The following HEATR4 variants were observed in gnomAD, a reference collection of about 807,000 sequenced individuals.
HEATR4 encodes the protein HEAT repeat-containing protein 4.
Under a neutral mutation model 108.8 loss-of-function variants are expected in HEATR4, and 95 were observed. That is an observed-to-expected ratio of 0.87 (90% CI 0.74 to 1.04). HEATR4 has a LOEUF of 1.04. Ranked by LOEUF, HEATR4 falls within the 50% of genes least tolerant of loss-of-function variation. The pLI, the probability that HEATR4 is intolerant of heterozygous loss-of-function variation, is 0.00. For missense variants in HEATR4, 1,152 were observed against 1,253.8 expected (o/e 0.92, Z 1.23); for synonymous variants, 443 against 459.4 (o/e 0.96, Z 0.46).
the HEATR4 span, chr14:73,619,582 A>G: frequency 1.2e-6 from 2 of 1,614,210 alleles, no homozygotes; most frequent in Non-Finnish European, 8.5e-7. Context: ...CTATGCTCAG[A>G]TAGCCTCTGA....
the HEATR4 span, among the ~76,000 whole-genome samples, chr14:73,594,849 C>A: frequency 1.3e-5 from 2 of 152,148 alleles, no homozygotes; most frequent in Non-Finnish European, 2.9e-5. Context: ...TAGAGGCGTG[C>A]GCCACCACAC....
intron 17 of HEATR4, among the ~76,000 whole-genome samples, chr14:73,486,067 AG>A (rs752531010): frequency 6.6e-6 from 1 of 152,164 alleles, no homozygotes; most frequent in Non-Finnish European, 1.5e-5. Flanking sequence ...ACTGGGTCAA[AG>A]ATATCAAAAT....
At chr14:73,558,216 C>T (rs1201893505) in intron 1 of HEATR4, among the ~76,000 whole-genome samples, 1 of 134,548 alleles carries the variant, frequency 7.4e-6, no homozygotes, top group Non-Finnish European at 1.6e-5. Context: ...GTTTCAAGTC[C>T]CCCTTTCTCC....
chr14:73,579,186 G>A, the HEATR4 span, among the ~76,000 whole-genome samples: 10 of 146,972 alleles, frequency 6.8e-5, no homozygotes, highest in Admixed American at 4.1e-4. Context: ...AACCCAGGAG[G>A]CAGAGGTTGC....
intron 16 of HEATR4, among the ~76,000 whole-genome samples, chr14:73,494,854 C>CCCAACCA (rs755575195): frequency 7.2e-4 from 110 of 152,268 alleles, no homozygotes; most frequent in Middle Eastern, 3.4e-3. Flanking sequence ...CGCCACCACG[C>CCCAACCA]CCAACCACCA....
the HEATR4 span, among the ~76,000 whole-genome samples, chr14:73,601,427 G>C: frequency 6.6e-6 from 1 of 152,148 alleles, no homozygotes; most frequent in Non-Finnish European, 1.5e-5. Context: ...AGCTGGGCAT[G>C]GTGGCGCACG....
the HEATR4 span, among the ~76,000 whole-genome samples, chr14:73,620,654 G>A: frequency 5.9e-5 from 9 of 151,842 alleles, no homozygotes; most frequent in Admixed American, 3.3e-4. Context: ...TGCAACCTCC[G>A]CCTCCCAGGT....
At chr14:73,624,113 C>G in the HEATR4 span, among the ~76,000 whole-genome samples, 6 of 151,970 alleles carry the variant, frequency 3.9e-5, no homozygotes, top group South Asian at 2.1e-4. Context: ...ATAGTGAAAC[C>G]CTGTTTCTAC....
Position 73,509,565 on chromosome 14 carries a change from A to G in HEATR4, c.1559-92T>C. On this transcript the variant is annotated intron_variant, in intron 7 of 17. Transcript: ENST00000553558. ...CTACAGCCATGTGGTGGCCAACCTC[A>G]GTCCCAGCTGCAGTTGCTTAGTGCT... is the stretch of plus-strand genomic sequence containing the variant. 3 of 1,305,498 alleles carry G rather than the reference A, an allele frequency of 2.3e-6. No homozygotes were observed. The South Asian group carries it at 3.8e-5, about 16-fold the overall frequency. 80.9% of individuals were successfully genotyped at this position (1,305,498 alleles called of 1,614,324 possible).
At chr14:73,588,426 T>C in the HEATR4 span, among the ~76,000 whole-genome samples, 1 of 152,214 alleles carries the variant, frequency 6.6e-6, no homozygotes, top group African/African-American at 2.4e-5. Flanking sequence ...ACACTTCTTT[T>C]AGGAGAATTC....
At chr14:73,516,663 C>A (rs1215599125) in intron 5 of HEATR4, among the ~76,000 whole-genome samples, 1 of 152,166 alleles carries the variant, frequency 6.6e-6, no homozygotes, top group Non-Finnish European at 1.5e-5. Context: ...GGGCCTGTAC[C>A]AGTTCATGGC....
At chr14:73,600,834 A>G in the HEATR4 span, among the ~76,000 whole-genome samples, 1 of 152,120 alleles carries the variant, frequency 6.6e-6, no homozygotes, top group African/African-American at 2.4e-5. Flanking sequence ...ATACACCTCT[A>G]GATATCTGTT....
chr14:73,569,158 G>C, the HEATR4 span: 3 of 1,522,208 alleles, frequency 2.0e-6, no homozygotes, highest in Non-Finnish European at 2.7e-6. Flanking sequence ...CTGGCTGATC[G>C]GCTGGACTCT....
the HEATR4 span, among the ~76,000 whole-genome samples, chr14:73,577,408 G>A: frequency 7.3e-6 from 1 of 136,642 alleles, no homozygotes; most frequent in South Asian, 2.6e-4. Flanking sequence ...TGGGCATGGA[G>A]CCCCATTTAG....
At chr14:73,564,159 G>A in the HEATR4 span, among the ~76,000 whole-genome samples, 21 of 151,742 alleles carry the variant, frequency 1.4e-4, 1 homozygote, top group Non-Finnish European at 2.4e-4. Flanking sequence ...TCAGCTGGCC[G>A]TGGTGGCATG....
intron 17 of HEATR4, chr14:73,491,513 A>G: frequency 1.3e-6 from 2 of 1,513,022 alleles, no homozygotes; most frequent in Non-Finnish European, 1.8e-6. Flanking sequence ...GGCCCCTGCG[A>G]CGGCGTCGGG....
chr14:73,489,436 G>C (rs889848813), intron 17 of HEATR4, among the ~76,000 whole-genome samples: 5 of 152,218 alleles, frequency 3.3e-5, no homozygotes, highest in Non-Finnish European at 7.3e-5. Flanking sequence ...AAAGGTCCTA[G>C]AGGCCATGTA....
intron 17 of HEATR4, among the ~76,000 whole-genome samples, chr14:73,479,431 C>CT (rs1885156747): frequency 4.4e-5 from 4 of 90,756 alleles, no homozygotes; most frequent in African/African-American, 1.9e-4. Context: ...TTCTTTCTTT[C>CT]TTTCTTTCTT....
At position 73,542,189 on chromosome 14, in the gene HEATR4, G is replaced by T. The variant is rs1433686681; in HGVS notation, c.-151-11945C>A. Among the ~76,000 whole-genome samples the T allele has an allele frequency of 2.8e-5, 3 of 107,784 alleles. 1 individual carries two copies. Among genetic ancestry groups the T allele is most frequent in the African/African-American group, 9.4e-5 (3 of 31,948 alleles). 70.7% of individuals were successfully genotyped at this position (107,784 alleles called of 152,430 possible). A position where few individuals can be genotyped will look rare whatever the true frequency, so the allele number is the denominator to read the frequency against. On this transcript the variant is annotated intron_variant, in intron 1 of 17. Coordinates refer to ENST00000553558, the MANE Select transcript of HEATR4 (RefSeq NM_001220484.1). The stretch of plus-strand genomic sequence containing the variant: ...TATTTTTTTTTTTTAGTAGAGATGG[G>T]GTTTCGCCATGTTGGCCAGGCTGGT...
Sources: gnomAD v4.1 joint callset for allele counts (sites outside exome capture counted in the v4.1 genomes callset) on GRCh38, gnomAD v4.1.1 for gene constraint, MANE v1.5 for transcripts, NCBI Gene and HGNC (gene_info 2026-07-23, HGNC 2026-07-21) for gene names.